DAB1: variants seen among roughly 807,000 people sequenced by gnomAD.
DAB1 encodes the protein DAB adaptor protein 1.
A neutral mutation model predicts 64.6 loss-of-function variants in DAB1; 15 were observed. The observed-to-expected ratio is 0.23, with a 90% confidence interval of 0.16 to 0.36. The LOEUF (loss-of-function observed/expected upper bound fraction) is 0.36, where lower values mean the gene tolerates loss of function less well. DAB1 is among the 10% of genes least tolerant of loss of function. The probability of loss-of-function intolerance (pLI) is 1.00; values close to 1 mark genes in which losing one functional copy is unlikely to be tolerated. For synonymous variants in DAB1, 235 were observed against 251.9 expected, an observed-to-expected ratio of 0.93 and a Z score of 0.64; for missense variants, 596 against 706.7, an observed-to-expected ratio of 0.84 and a Z score of 1.78.
At chr1:57,448,492 C>A (rs12044871) in intron 7 of DAB1, among the ~76,000 whole-genome samples, 92,729 of 152,014 alleles carry the variant, frequency 0.61, 28,661 homozygotes, top group East Asian at 0.78. Context: ...AAATAATTCC[C>A]TCTGTAACTA....
chr1:57,016,621 T>C (rs1336798094), intron 11 of DAB1, among the ~76,000 whole-genome samples: 1 of 151,762 alleles, frequency 6.6e-6, no homozygotes, highest in Non-Finnish European at 1.5e-5. Flanking sequence ...AAAGTTATTG[T>C]CCACTCAGGG....
intron 1 of DAB1, among the ~76,000 whole-genome samples, chr1:58,540,696 C>T (rs1646592787): frequency 6.9e-6 from 1 of 145,168 alleles, no homozygotes; most frequent in Non-Finnish European, 1.5e-5. Context: ...AAATGAAATA[C>T]AGAGAAAAAA....
At chr1:57,586,667 T>C (rs1416264355) in intron 7 of DAB1, among the ~76,000 whole-genome samples, 1 of 152,104 alleles carries the variant, frequency 6.6e-6, no homozygotes, top group African/African-American at 2.4e-5. Context: ...TAACAGAATA[T>C]CAAAAGAGTT....
At chr1:57,894,772 G>A (rs1164184900) in intron 5 of DAB1, among the ~76,000 whole-genome samples, 2 of 152,216 alleles carry the variant, frequency 1.3e-5, no homozygotes, top group African/African-American at 4.8e-5. Flanking sequence ...TCAGTCAGGA[G>A]TTAATTTTGC....
chr1:57,188,565 T>C (rs1663824817), intron 2 of DAB1, among the ~76,000 whole-genome samples: 1 of 152,188 alleles, frequency 6.6e-6, no homozygotes, highest in Non-Finnish European at 1.5e-5. Context: ...CATTTATCTG[T>C]TACTGTCATC....
chr1:57,315,054 C>T (rs1675077247), intron 1 of DAB1, among the ~76,000 whole-genome samples: 1 of 152,068 alleles, frequency 6.6e-6, no homozygotes, highest in Admixed American at 6.6e-5. Context: ...TATAGATACC[C>T]TATCTGATCT....
chr1:57,206,895 T>C (rs1427410687), intron 2 of DAB1, among the ~76,000 whole-genome samples: 1 of 151,340 alleles, frequency 6.6e-6, no homozygotes, highest in African/African-American at 2.4e-5. Context: ...ATGTGACACA[T>C]CCCAGACACT....
chr1:57,774,914 A>G (rs914151439), intron 6 of DAB1, among the ~76,000 whole-genome samples: 3 of 151,734 alleles, frequency 2.0e-5, no homozygotes, highest in Non-Finnish European at 4.4e-5. Flanking sequence ...TCTTTGGAAG[A>G]AAGTTTATTA....
chr1:58,132,730 G>T (rs1213763), intron 5 of DAB1, among the ~76,000 whole-genome samples: 141,775 of 152,190 alleles, frequency 0.93, 66,191 homozygotes, highest in African/African-American at 0.98. Context: ...ATATGGGAGA[G>T]CCAGCCTCGC....
Position 58,541,293 on chromosome 1 carries a change from CAAAAAAAAAAAAAAAAAAAAAAAAAAA to C in DAB1, n.32+5383_32+5409del, listed in dbSNP as rs71043292. On this transcript the variant is annotated intron_variant and non_coding_transcript_variant, in intron 1 of 20. Coordinates refer to the DAB1 transcript ENST00000485760. ...TGGGCAACAGAGTGAGACTCTGTCT[CAAAAAAAAAAAAAAAAAAAAAAAAAAA>C]AAAAAAAAAAAAACAGGAAAAACAC... 4.7e-4 allele frequency among the ~76,000 whole-genome samples: 13 copies of C among 27,572 alleles called. 1 individual carries two copies. The highest frequency in any genetic ancestry group is 3.8e-3 in the East Asian group (1 of 262). 18.1% of individuals were successfully genotyped at this position (27,572 alleles called of 152,430 possible).
At chr1:57,783,635 T>C (rs1211440063) in intron 6 of DAB1, among the ~76,000 whole-genome samples, 1 of 152,208 alleles carries the variant, frequency 6.6e-6, no homozygotes, top group African/African-American at 2.4e-5. Context: ...GTGGAAACCC[T>C]GTGTTGAGCA....
chr1:57,846,344 T>G (rs1359574397), intron 1 of DAB1, among the ~76,000 whole-genome samples: 1 of 150,982 alleles, frequency 6.6e-6, no homozygotes, highest in Non-Finnish European at 1.5e-5. Flanking sequence ...TGTAGTCCCA[T>G]GTACTCAGGA....
intron 1 of DAB1, among the ~76,000 whole-genome samples, chr1:57,845,167 G>A (rs1476506274): frequency 6.6e-6 from 1 of 152,130 alleles, no homozygotes; most frequent in Non-Finnish European, 1.5e-5. Flanking sequence ...TCTGAATGAG[G>A]AATCCACTTA....
chr1:57,098,176 T>C (rs1295052060), intron 4 of DAB1, among the ~76,000 whole-genome samples: 1 of 152,222 alleles, frequency 6.6e-6, no homozygotes, highest in Non-Finnish European at 1.5e-5. Flanking sequence ...TTGATTATTC[T>C]TTACAACTTT....
chr1:57,910,785 T>A (rs1373849209), intron 5 of DAB1, among the ~76,000 whole-genome samples: 1 of 152,210 alleles, frequency 6.6e-6, no homozygotes, highest in East Asian at 1.9e-4. Flanking sequence ...TTGGCCTGCA[T>A]TATCGATGTT....
intron 5 of DAB1, among the ~76,000 whole-genome samples, chr1:58,107,183 G>A (rs186368467): frequency 1.4e-4 from 21 of 151,788 alleles, no homozygotes; most frequent in South Asian, 1.2e-3. Context: ...AAAAAGGGCC[G>A]GGTGCAGTGG....
At chr1:57,879,131 T>C (rs1644102415) in intron 1 of DAB1, among the ~76,000 whole-genome samples, 1 of 152,192 alleles carries the variant, frequency 6.6e-6, no homozygotes, top group African/African-American at 2.4e-5. Flanking sequence ...ACAATAAACA[T>C]GGGAGTGCAG....
At chr1:57,002,350 G>C (rs630417) in intron 14 of DAB1, among the ~76,000 whole-genome samples, 25,248 of 152,110 alleles carry the variant, frequency 0.17, 2,606 homozygotes, top group African/African-American at 0.31. Flanking sequence ...TTATTCCTCA[G>C]CGCAGAGGGA....
In DAB1 at chr1:58,047,920, T is replaced by C. The variant is rs558173676; in HGVS notation, n.387+102591A>G. 6 of 390,772 alleles carry C rather than the reference T, an allele frequency of 1.5e-5. No homozygotes were observed. In the South Asian group the frequency reaches 1.6e-4, roughly 10 times the overall value. The allele number at this position is 390,772 out of a possible 1,614,324, so 24.2% of individuals were successfully genotyped here. On this transcript the variant is annotated intron_variant and non_coding_transcript_variant, in intron 5 of 20. Coordinates refer to the DAB1 transcript ENST00000485760. Reference sequence around the variant, plus strand: ...AACAGCATGGGTGCAAAAAAAAATCTACATTAAAACCCTTTGTTGGAATGC... The same window carrying C: ...AACAGCATGGGTGCAAAAAAAAATCCACATTAAAACCCTTTGTTGGAATGC...
Sources: allele counts gnomAD v4.1 joint callset (sites outside exome capture counted in the v4.1 genomes callset), GRCh38; gene constraint gnomAD v4.1.1; transcripts MANE v1.5; gene names NCBI Gene and HGNC (gene_info 2026-07-23, HGNC 2026-07-21).